Variants in DNASE1 observed in about 807,000 individuals in gnomAD.
DNASE1 encodes the protein deoxyribonuclease-1.
In DNASE1, 40 loss-of-function variants were observed where a neutral mutation model predicts 33.9. That is an observed-to-expected ratio of 1.18 (90% confidence interval 0.92 to 1.54). DNASE1 has a LOEUF of 1.54. Ranked by LOEUF, DNASE1 falls within the 40% of genes most tolerant of loss-of-function variation. The probability of loss-of-function intolerance (pLI) is 0.00; values close to 1 mark genes in which losing one functional copy is unlikely to be tolerated. For synonymous variants in DNASE1, 216 were observed against 160.0 expected, an observed-to-expected ratio of 1.35 and a Z score of -2.64; for missense variants, 518 against 372.6, an observed-to-expected ratio of 1.39 and a Z score of -3.21.
chr16:3,622,813 A>G (rs2041369643), intron 1 of DNASE1, among the ~76,000 whole-genome samples: 1 of 152,186 alleles, frequency 6.6e-6, no homozygotes, highest in Non-Finnish European at 1.5e-5. Context: ...GTAGTAAAAT[A>G]ACTTTTCTTG....
chr16:3,645,614 C>G (rs1482851355), intron 1 of DNASE1, among the ~76,000 whole-genome samples: 1 of 152,182 alleles, frequency 6.6e-6, no homozygotes, highest in Non-Finnish European at 1.5e-5. Context: ...GCCAACATGC[C>G]GTGGTTCAGG....
intron 1 of DNASE1, among the ~76,000 whole-genome samples, chr16:3,629,324 C>T (rs758706948): frequency 7.2e-5 from 11 of 152,000 alleles, no homozygotes; most frequent in Non-Finnish European, 1.5e-4. Context: ...TGTCACATGC[C>T]TTTGCTGCAG....
chr16:3,625,390 G>C (rs888167010), intron 1 of DNASE1, among the ~76,000 whole-genome samples: 1 of 152,090 alleles, frequency 6.6e-6, no homozygotes. Context: ...AGACTGAGAA[G>C]GGAGAATTGC....
At chr16:3,618,934 G>A (rs1454109453) in intron 1 of DNASE1, among the ~76,000 whole-genome samples, 3 of 152,066 alleles carry the variant, frequency 2.0e-5, no homozygotes, top group African/African-American at 7.2e-5. Context: ...ATGACTCATG[G>A]CAGCCTCAGA....
At chr16:3,662,095 G>T, downstream of DNASE1, 1 of 1,613,308 alleles carries the variant, frequency 6.2e-7, no homozygotes. Context: ...CTCCAGCACG[G>T]TGACCATGGC....
rs184630383 is a variant in DNASE1, at chr16:3,654,762, A to G, written c.-284A>G. On this transcript the variant is annotated 5_prime_UTR_variant, in exon 1 of 9. Transcript: ENST00000246949. ...GTGCTAGCAACCCACCTATGCGGAA[A>G]GCCACACAGAGCCATTGTTTTCTGC... is the stretch of plus-strand genomic sequence containing the variant. 765 of 399,964 alleles carry G rather than the reference A, an allele frequency of 1.9e-3. 3 individuals are homozygous for G. Among genetic ancestry groups the G allele is most frequent in the African/African-American group, 0.014 (682 of 48,764 alleles). 24.8% of individuals were successfully genotyped at this position (399,964 alleles called of 1,614,324 possible). A position where few individuals can be genotyped will look rare whatever the true frequency, so the allele number is the denominator to read the frequency against.
At chr16:3,655,251 G>T in intron 1 of DNASE1, 122 bp from the exon 2 acceptor site, 2 of 1,373,320 alleles carry the variant, frequency 1.5e-6, no homozygotes, top group Non-Finnish European at 2.0e-6. Context: ...GGTTTCCCCC[G>T]CCTGCGTCCC....
At chr16:3,650,109 AGT>A (rs1321835311), upstream of DNASE1, among the ~76,000 whole-genome samples, 5 of 152,146 alleles carry the variant, frequency 3.3e-5, no homozygotes, top group African/African-American at 7.2e-5. Context: ...AGGTTGTGTG[AGT>A]TAATTCATGG....
chr16:3,618,433 GA>G (rs950377717), intron 1 of DNASE1, among the ~76,000 whole-genome samples: 6 of 152,070 alleles, frequency 3.9e-5, no homozygotes, highest in Admixed American at 3.3e-4. Flanking sequence ...CCAAAAAATT[GA>G]AAAAGTGTTT....
intron 1 of DNASE1, among the ~76,000 whole-genome samples, chr16:3,634,106 G>A (rs981935320): frequency 6.6e-5 from 10 of 151,942 alleles, no homozygotes; most frequent in African/African-American, 2.4e-4. Context: ...CACCGCACCT[G>A]GCCATAAGTG....
chr16:3,658,595 C>A (rs1462838688), downstream of DNASE1: 3 of 596,672 alleles, frequency 5.0e-6, no homozygotes, highest in Non-Finnish European at 8.8e-6. Flanking sequence ...ATTGCTTGAA[C>A]CCGGGAGGCA....
chr16:3,645,377 A>T (rs2042142548), intron 1 of DNASE1, among the ~76,000 whole-genome samples: 1 of 152,226 alleles, frequency 6.6e-6, no homozygotes, highest in African/African-American at 2.4e-5. Context: ...ACATCAGCAC[A>T]CTGGAGTCCA....
intron 1 of DNASE1, among the ~76,000 whole-genome samples, chr16:3,623,622 G>GAAAAAAA (rs1224587859): frequency 1.3e-5 from 2 of 151,062 alleles, no homozygotes; most frequent in Admixed American, 1.3e-4. Context: ...ATCTCAACAA[G>GAAAAAAA]AAAAAAAAAC....
chr16:3,643,731 A>G (rs1362520565), intron 1 of DNASE1, among the ~76,000 whole-genome samples: 1 of 152,116 alleles, frequency 6.6e-6, no homozygotes, highest in African/African-American at 2.4e-5. Flanking sequence ...TATGTTAATC[A>G]CATCTGTTTT....
At chr16:3,657,410 G>A in intron 7 of DNASE1, 69 bp downstream of exon 7, 1 of 1,580,382 alleles carries the variant, frequency 6.3e-7, no homozygotes, top group Admixed American at 1.7e-5. Flanking sequence ...CATAGGTCGG[G>A]CTTCAGAAGC....
At chr16:3,649,456 G>A (rs1286251978) in intron 1 of DNASE1, among the ~76,000 whole-genome samples, 8 of 152,196 alleles carry the variant, frequency 5.3e-5, no homozygotes, top group African/African-American at 1.9e-4. Flanking sequence ...GAAACACAGT[G>A]ATATGTTTAA....
chr16:3,655,762 G>A lies in DNASE1; in HGVS notation c.148-87G>A, dbSNP rs1323111302. 1.5e-5 allele frequency: 23 copies of A among 1,528,322 alleles called. No individual in the cohort carries two copies. In the East Asian group the frequency reaches 1.8e-4, roughly 12 times the overall value. The allele number at this position is 1,528,322 out of a possible 1,614,324, so 94.7% of individuals were successfully genotyped here. ...CTGCGGTTAAACCGAGCAATGCCAC[G>A]AGCATCAGCTGTGGCTCCCTTTGTG... is the stretch of plus-strand genomic sequence containing the variant. On this transcript the variant is annotated intron_variant, in intron 2 of 8. Coordinates refer to ENST00000246949, the MANE Select transcript of DNASE1 (RefSeq NM_005223.4).
chr16:3,612,462 G>A (rs2040919048), intron 1 of DNASE1, among the ~76,000 whole-genome samples: 1 of 151,632 alleles, frequency 6.6e-6, no homozygotes, highest in Non-Finnish European at 1.5e-5. Context: ...TGTTGCCCAG[G>A]CTGGTCTCCA....
intron 1 of DNASE1, among the ~76,000 whole-genome samples, chr16:3,633,613 G>GAAA (rs760178210): frequency 1.1e-5 from 1 of 88,276 alleles, no homozygotes. Flanking sequence ...CATCTCAAGA[G>GAAA]AAAAAAAAAA....
Sources: allele counts gnomAD v4.1 joint callset (sites outside exome capture counted in the v4.1 genomes callset), GRCh38; gene constraint gnomAD v4.1.1; transcripts MANE v1.5; gene names NCBI Gene and HGNC (gene_info 2026-07-23, HGNC 2026-07-21).